Variants in NLGN4X observed in about 807,000 individuals in gnomAD.
NLGN4X encodes the protein neuroligin 4 X-linked, also known as neuroligin-4, X-linked.
Under a neutral mutation model 40.3 loss-of-function variants are expected in NLGN4X, and 3 were observed. The ratio of observed to expected loss-of-function variants is 0.07; its 90% CI spans 0.03 to 0.19. NLGN4X has a LOEUF of 0.19. Ranked by LOEUF, NLGN4X falls within the 10% of genes least tolerant of loss-of-function variation. NLGN4X has a pLI of 1.00. For missense variants in NLGN4X, 382 were observed against 708.3 expected, an observed-to-expected ratio of 0.54 and a Z score of 5.23; for synonymous variants, 270 against 306.8, an observed-to-expected ratio of 0.88 and a Z score of 1.25.
Position 6,137,923 on chromosome X carries a change from A to G in NLGN4X, c.472+13072T>C, listed in dbSNP as rs1464099124. Among the ~76,000 whole-genome samples, 3 of 111,808 alleles carry G rather than the reference A, an allele frequency of 2.7e-5. No individual in the cohort carries two copies. The South Asian group carries it at 1.1e-3, about 41-fold the overall frequency. On this transcript the variant is annotated intron_variant, in intron 2 of 5. Coordinates refer to ENST00000381095, the MANE Select transcript of NLGN4X (RefSeq NM_181332.3). Reference sequence around the variant, plus strand: ...AACCAATTAGTTTATTGGCCATTCTATCACACATGTATGCTGCCTTCCCTC... The same window carrying G: ...AACCAATTAGTTTATTGGCCATTCTGTCACACATGTATGCTGCCTTCCCTC...
intron 2 of NLGN4X, among the ~76,000 whole-genome samples, chrX:6,088,221 T>C (rs1374320519): frequency 1.8e-5 from 2 of 112,784 alleles, no homozygotes; most frequent in African/African-American, 6.4e-5. Context: ...AAATTGCATA[T>C]GTGACCTTTT....
intron 2 of NLGN4X, among the ~76,000 whole-genome samples, chrX:6,031,710 TGCTTTTA>T (rs1345983226): frequency 3.6e-5 from 4 of 110,079 alleles, no homozygotes; most frequent in African/African-American, 1.3e-4. Context: ...GGGAAAAATG[TGCTTTTA>T]GCTAATCCTA....
chrX:6,225,436 C>G (rs1242786412), intron 1 of NLGN4X, among the ~76,000 whole-genome samples: 1 of 109,658 alleles, frequency 9.1e-6, no homozygotes, highest in Non-Finnish European at 1.9e-5. Context: ...CTGCCATCCC[C>G]TAGGAAAAGG....
Position 5,892,728 on chromosome X carries a change from T to C in NLGN4X, c.*89A>G, listed in dbSNP as rs1210026580. ...AACATTCCTGGTCTGGAGACTTTCT[T>C]TCTCTCTCTCTTTCCTTCTCTCTTT... is the stretch of plus-strand genomic sequence containing the variant. On this transcript the variant is annotated 3_prime_UTR_variant, in exon 6 of 6. Transcript: ENST00000381095. The C allele has an allele frequency of 2.6e-6, 3 of 1,147,275 alleles. No individual in the cohort carries two copies. Among genetic ancestry groups the C allele is most frequent in the Non-Finnish European group, 3.5e-6 (3 of 850,506 alleles). The allele number at this position is 1,147,275 out of a possible 1,213,427, so 94.5% of individuals were successfully genotyped here.
In NLGN4X at chrX:6,050,776, CATCT is replaced by C. The variant is rs60281598; in HGVS notation, c.473-21348_473-21345del. 4.8e-3 allele frequency among the ~76,000 whole-genome samples: 501 copies of C among 103,393 alleles called. 1 individual carries two copies. The highest frequency in any genetic ancestry group is 7.8e-3 in the Non-Finnish European group (397 of 50,758). 89.8% of individuals were successfully genotyped at this position (103,393 alleles called of 115,157 possible). A position where few individuals can be genotyped will look rare whatever the true frequency, so the allele number is the denominator to read the frequency against. ...ATTCACCCATGTCTGTCTGTCTGTC[CATCT>C]ATCTATCTATCTATCTATCTATCTA... On this transcript the variant is annotated intron_variant, in intron 2 of 5. Transcript: ENST00000381095.
rs1185242864 is a variant in NLGN4X, at chrX:5,890,868, TG to T, written c.*1948del. The T allele has an allele frequency of 2.2e-5, 7 of 321,497 alleles. No homozygotes were observed. In the Admixed American group the frequency reaches 2.3e-4, roughly 10 times the overall value. The allele number at this position is 321,497 out of a possible 1,213,427, so 26.5% of individuals were successfully genotyped here. ...TTTTCTAGAGGTCACTCTCAAACACTGATATATCACTATAGTTTGAGTGTAG... is the reference window on the plus strand; with the variant it reads ...TTTTCTAGAGGTCACTCTCAAACACTATATATCACTATAGTTTGAGTGTAG... On this transcript the variant is annotated 3_prime_UTR_variant, in exon 6 of 6. Transcript: ENST00000381095.
chrX:5,976,252 G>A (rs2035174349), intron 3 of NLGN4X, among the ~76,000 whole-genome samples: 1 of 111,936 alleles, frequency 8.9e-6, no homozygotes, highest in African/African-American at 3.2e-5. Flanking sequence ...CTACCTTTTG[G>A]CAAAGAGAAA....
intron 1 of NLGN4X, among the ~76,000 whole-genome samples, chrX:6,174,957 T>G (rs1359526477): frequency 1.8e-5 from 2 of 111,306 alleles, no homozygotes. Context: ...AAAAAAAAAA[T>G]TGGACAGTCT....
intron 3 of NLGN4X, among the ~76,000 whole-genome samples, chrX:5,959,501 G>A (rs980601472): frequency 8.9e-6 from 1 of 112,136 alleles, no homozygotes; most frequent in Admixed American, 9.5e-5. Context: ...ACAAAAGGCT[G>A]TGTGGATTGA....
At chrX:6,072,671 G>A (rs1030779240) in intron 2 of NLGN4X, among the ~76,000 whole-genome samples, 1 of 111,275 alleles carries the variant, frequency 9.0e-6, no homozygotes, top group Non-Finnish European at 1.9e-5. Flanking sequence ...TGTGCCATAC[G>A]GAGTCCACCT....
At chrX:5,960,619 C>G (rs2034629615) in intron 3 of NLGN4X, among the ~76,000 whole-genome samples, 1 of 111,582 alleles carries the variant, frequency 9.0e-6, no homozygotes, top group Admixed American at 9.6e-5. Flanking sequence ...TTGTGTGTGA[C>G]AAGCTTAATT....
At chrX:6,059,893 T>A (rs934893820) in intron 2 of NLGN4X, among the ~76,000 whole-genome samples, 28 of 111,879 alleles carry the variant, frequency 2.5e-4, no homozygotes, top group Non-Finnish European at 4.7e-4. Context: ...AGCCAAAAAA[T>A]TTCAACAAAA....
chrX:5,900,442 C>T (rs1347326102), intron 5 of NLGN4X, among the ~76,000 whole-genome samples: 3 of 110,200 alleles, frequency 2.7e-5, no homozygotes, highest in Non-Finnish European at 5.7e-5. Context: ...AAGGAAATAC[C>T]CTCCCCCTAC....
At chrX:6,063,242 A>G (rs1490105254) in intron 2 of NLGN4X, among the ~76,000 whole-genome samples, 1 of 111,973 alleles carries the variant, frequency 8.9e-6, no homozygotes, top group Non-Finnish European at 1.9e-5. Flanking sequence ...TAGGGGGCCA[A>G]GGAGGGAGGG....
rs2031176643 is a variant in NLGN4X at position 5,891,592 on chromosome X, G to C, written c.*1225C>G. On this transcript the variant is annotated 3_prime_UTR_variant, in exon 6 of 6. Transcript: ENST00000381095. ...CTCCAAGGGGCATAGCCCCACCAAA[G>C]GCAAGCTTTCTTCTTTTTTTGGCAG... The C allele has an allele frequency of 4.1e-6, 1 of 243,535 alleles. No individual in the cohort carries two copies. The highest frequency in any genetic ancestry group is 3.0e-5 in the African/African-American group (1 of 33,599). 20.1% of individuals were successfully genotyped at this position (243,535 alleles called of 1,213,427 possible).
At chrX:6,098,625 C>T (rs540448796) in intron 2 of NLGN4X, among the ~76,000 whole-genome samples, 2 of 111,734 alleles carry the variant, frequency 1.8e-5, no homozygotes, top group South Asian at 7.6e-4. Context: ...TTGTCTACCC[C>T]TGCCTGCATT....
At chrX:5,914,096 C>A (rs898399574) in intron 3 of NLGN4X, among the ~76,000 whole-genome samples, 8 of 111,716 alleles carry the variant, frequency 7.2e-5, no homozygotes, top group African/African-American at 2.6e-4. Context: ...TGAGAACAGA[C>A]TAGTACATTT....
Position 5,902,993 on chromosome X carries a change from C to T in NLGN4X, c.1601+84G>A, listed in dbSNP as rs926258331. ...GTGTGTGTATGCGTGTGTGCTCCTG[C>T]ACGTGGCAGTAGAAGCAACACCTAT... On this transcript the variant is annotated intron_variant, in intron 5 of 5. Transcript: ENST00000381095. 5.6e-6 allele frequency: 6 copies of T among 1,075,167 alleles called. No individual in the cohort carries two copies. In the East Asian group the frequency reaches 1.8e-4, roughly 32 times the overall value. The allele number at this position is 1,075,167 out of a possible 1,213,427, so 88.6% of individuals were successfully genotyped here.
intron 3 of NLGN4X, among the ~76,000 whole-genome samples, chrX:5,910,766 A>G (rs2032440396): frequency 9.0e-6 from 1 of 111,635 alleles, no homozygotes; most frequent in African/African-American, 3.3e-5. Context: ...AACAATGACA[A>G]TAAAAACTCC....
Sources: allele counts gnomAD v4.1 joint callset (sites outside exome capture counted in the v4.1 genomes callset), GRCh38; gene constraint gnomAD v4.1.1; transcripts MANE v1.5; gene names NCBI Gene and HGNC (gene_info 2026-07-23, HGNC 2026-07-21).